Variants in RASGRF1 observed in about 807,000 individuals in gnomAD.
RASGRF1 encodes the protein ras-specific guanine nucleotide-releasing factor 1.
In RASGRF1, 40 loss-of-function variants were observed where a neutral mutation model predicts 138.7. The observed-to-expected ratio is 0.29, with a 90% CI of 0.22 to 0.38. The LOEUF is 0.38. RASGRF1 is among the 10% of genes least tolerant of loss of function. The pLI is 1.00. For missense variants in RASGRF1, 1,108 were observed against 1,650.4 expected, an observed-to-expected ratio of 0.67 and a Z score of 5.69; for synonymous variants, 614 against 663.2, an observed-to-expected ratio of 0.93 and a Z score of 1.14.
chr15:79,006,655 G>A lies in RASGRF1; in HGVS notation c.1827-221C>T, dbSNP rs138262662. Among the ~76,000 whole-genome samples, 5 of 152,200 alleles carry A rather than the reference G, an allele frequency of 3.3e-5. No homozygotes were observed. The highest frequency in any genetic ancestry group is 1.2e-4 in the African/African-American group (5 of 41,450). Reference sequence around the variant, plus strand: ...TAAAACCCCTAGAAATACTGGAGAAGTATTACAAATTTAAAAACATTTGTT... The same window carrying A: ...TAAAACCCCTAGAAATACTGGAGAAATATTACAAATTTAAAAACATTTGTT... On this transcript the variant is annotated intron_variant, in intron 13 of 26. Coordinates refer to ENST00000558480, the MANE Select transcript of RASGRF1 (RefSeq NM_001145648.3). This position sits in a 1 kb window ranked among gnomAD's most constrained non-coding sequence, Gnocchi z 4.0.
Position 78,973,698 on chromosome 15 carries a change from A to G in RASGRF1, c.3495-278T>C, listed in dbSNP as rs1182165301. Among the ~76,000 whole-genome samples, 1 of 152,066 alleles carries G rather than the reference A, an allele frequency of 6.6e-6. No homozygotes were observed. Among genetic ancestry groups the G allele is most frequent in the African/African-American group, 2.4e-5 (1 of 41,424 alleles). On this transcript the variant is annotated intron_variant, in intron 24 of 26. Coordinates refer to ENST00000558480, the MANE Select transcript of RASGRF1 (RefSeq NM_001145648.3). This position sits in a 1 kb window ranked among gnomAD's most constrained non-coding sequence, Gnocchi z 4.9. Reference sequence around the variant, plus strand: ...AGATTGTCTCTTTCCTCCCTGAGCCAGAAGGTCCTCCCCTACCTCTCTGCC... The same window carrying G: ...AGATTGTCTCTTTCCTCCCTGAGCCGGAAGGTCCTCCCCTACCTCTCTGCC...
intron 24 of RASGRF1, 50 bp downstream of exon 24, chr15:78,980,570 T>A (rs1225972175): frequency 1.4e-6 from 2 of 1,472,308 alleles, no homozygotes; most frequent in South Asian, 2.3e-5. Flanking sequence ...GCCTCTGCAA[T>A]GCAGGTCTAT....
At chr15:79,058,100 T>C (rs2057534506) in intron 3 of RASGRF1, among the ~76,000 whole-genome samples, 1 of 152,216 alleles carries the variant, frequency 6.6e-6, no homozygotes, top group Non-Finnish European at 1.5e-5. Flanking sequence ...ACAGGCACAT[T>C]GAGGGACTTG....
chr15:79,025,175 T>C (rs2057028757), intron 10 of RASGRF1, 139 bp downstream of exon 10: 1 of 904,680 alleles, frequency 1.1e-6, no homozygotes, highest in African/African-American at 1.7e-5. Context: ...CTATGGGTTG[T>C]GTGTATATCT....
chr15:79,075,407 T>TCCAGTATGTCCTTCCTGG (rs1166537522), intron 1 of RASGRF1, among the ~76,000 whole-genome samples: 128 of 152,142 alleles, frequency 8.4e-4, no homozygotes, highest in Non-Finnish European at 1.5e-3. Context: ...GCCCTTCCTG[T>TCCAGTATGTCCTTCCTGG]CCAGTATGTC....
intron 1 of RASGRF1, among the ~76,000 whole-genome samples, chr15:79,079,413 A>G (rs555943756): frequency 1.3e-5 from 2 of 151,716 alleles, no homozygotes; most frequent in East Asian, 3.9e-4. Context: ...TTGTAATAGC[A>G]AAATACTTTA....
chr15:79,079,140 C>T (rs2057879735), intron 1 of RASGRF1, among the ~76,000 whole-genome samples: 1 of 152,216 alleles, frequency 6.6e-6, no homozygotes, highest in South Asian at 2.1e-4. Context: ...TTAATGTAAA[C>T]TACTCCAGGG....
chr15:79,074,578 G>A (rs1459584650), intron 1 of RASGRF1, among the ~76,000 whole-genome samples: 1 of 152,180 alleles, frequency 6.6e-6, no homozygotes, highest in Non-Finnish European at 1.5e-5. Flanking sequence ...TGTGTAGAAA[G>A]ACCCTTATCG....
intron 1 of RASGRF1, among the ~76,000 whole-genome samples, chr15:79,078,422 C>T (rs1328453545): frequency 1.3e-5 from 2 of 152,188 alleles, no homozygotes; most frequent in South Asian, 2.1e-4. Context: ...GTGCTCATGC[C>T]GTGGTGTACA....
Position 78,999,610 on chromosome 15 carries a change from G to A in RASGRF1, c.2746+133C>T, listed in dbSNP as rs188505476. ...CTCCCCGAGGGTGGGTGCTTTAACAGGACCCACCTGTGCCATCCTTAGCAC... is the reference window on the plus strand; with the variant it reads ...CTCCCCGAGGGTGGGTGCTTTAACAAGACCCACCTGTGCCATCCTTAGCAC... On this transcript the variant is annotated intron_variant, in intron 17 of 26. Coordinates refer to ENST00000558480, the MANE Select transcript of RASGRF1 (RefSeq NM_001145648.3). 1.8e-5 allele frequency: 20 copies of A among 1,118,684 alleles called. No homozygotes were observed. The Admixed American group carries it at 3.3e-4, about 19-fold the overall frequency. The allele number at this position is 1,118,684 out of a possible 1,614,324, so 69.3% of individuals were successfully genotyped here. A position where few individuals can be genotyped will look rare whatever the true frequency, so the allele number is the denominator to read the frequency against.
intron 10 of RASGRF1, among the ~76,000 whole-genome samples, chr15:79,024,080 CCA>C (rs1349991552): frequency 6.6e-6 from 1 of 150,504 alleles, no homozygotes; most frequent in Non-Finnish European, 1.5e-5. Flanking sequence ...CATATACACA[CCA>C]CACATACATC....
chr15:79,033,669 G>A (rs946788110), intron 6 of RASGRF1, among the ~76,000 whole-genome samples: 30 of 134,298 alleles, frequency 2.2e-4, no homozygotes, highest in African/African-American at 7.9e-4. Context: ...GGCTCACTGC[G>A]ACTTCTGCTT....
chr15:78,993,390 T>G (rs1433341831), intron 20 of RASGRF1, among the ~76,000 whole-genome samples: 1 of 149,214 alleles, frequency 6.7e-6, no homozygotes, highest in Non-Finnish European at 1.5e-5. Flanking sequence ...TGTGTGGGTG[T>G]GTGTGTGTGT....
At chr15:79,066,966 C>G (rs903944348) in intron 1 of RASGRF1, among the ~76,000 whole-genome samples, 1 of 152,148 alleles carries the variant, frequency 6.6e-6, no homozygotes, top group African/African-American at 2.4e-5. Context: ...TCTGTGTGGC[C>G]TCGCTCTGAC....
At chr15:78,969,211 A>G (rs2055702658) in intron 26 of RASGRF1, among the ~76,000 whole-genome samples, 1 of 152,012 alleles carries the variant, frequency 6.6e-6, no homozygotes, top group African/African-American at 2.4e-5. Context: ...TCAATCCTCT[A>G]CCCCCAAGAC....
At chr15:78,968,919 A>G (rs1009364463) in intron 26 of RASGRF1, among the ~76,000 whole-genome samples, 1 of 152,148 alleles carries the variant, frequency 6.6e-6, no homozygotes, top group African/African-American at 2.4e-5. Context: ...TTTAATAAAA[A>G]CCTGTTAGGC....
At chr15:79,001,085 A>T (rs2056512467) in intron 16 of RASGRF1, among the ~76,000 whole-genome samples, 1 of 152,224 alleles carries the variant, frequency 6.6e-6, no homozygotes, top group Non-Finnish European at 1.5e-5. Context: ...CTGCTTCTCA[A>T]GGATCCTTCA....
intron 4 of RASGRF1, among the ~76,000 whole-genome samples, chr15:79,048,405 T>C (rs916395528): frequency 1.3e-5 from 2 of 152,214 alleles, no homozygotes; most frequent in Non-Finnish European, 2.9e-5. Flanking sequence ...CCGCCAGGGT[T>C]TGAATGTTAC....
chr15:79,042,733 G>A (rs931822417), intron 5 of RASGRF1, among the ~76,000 whole-genome samples: 1 of 152,200 alleles, frequency 6.6e-6, no homozygotes, highest in Admixed American at 6.5e-5. Flanking sequence ...CCTCATGGGT[G>A]CCTCTGAGGA....
Sources: gnomAD v4.1 joint callset for allele counts (sites outside exome capture counted in the v4.1 genomes callset) on GRCh38, gnomAD v4.1.1 for gene constraint, Gnocchi (gnomAD v3.1) non-coding constraint, MANE v1.5 for transcripts, NCBI Gene and HGNC (gene_info 2026-07-23, HGNC 2026-07-21) for gene names.